The following SEMA4D variants were observed in gnomAD, a reference collection of about 807,000 sequenced individuals.
The protein encoded by SEMA4D is semaphorin-4D.
SEMA4D carries 22 observed loss-of-function variants against 74.8 expected under a neutral mutation model. The observed-to-expected ratio is 0.29, with a 90% CI of 0.21 to 0.42. SEMA4D has a LOEUF of 0.42. SEMA4D is among the 10% of genes least tolerant of loss of function. The pLI, the probability that SEMA4D is intolerant of heterozygous loss-of-function variation, is 1.00. For missense variants in SEMA4D, 937 were observed against 1,118.4 expected (o/e 0.84, Z 2.31); for synonymous variants, 445 against 463.7 (o/e 0.96, Z 0.52).
At chr9:89,415,712 A>G (rs1175991843) in intron 2 of SEMA4D, among the ~76,000 whole-genome samples, 1 of 152,132 alleles carries the variant, frequency 6.6e-6, no homozygotes, top group Non-Finnish European at 1.5e-5. Flanking sequence ...GGATAAATAA[A>G]TGTCTGTTTT....
chr9:89,396,585 G>A, intron 6 of SEMA4D, 152 bp downstream of exon 6: 1 of 680,470 alleles, frequency 1.5e-6, no homozygotes, highest in South Asian at 1.9e-5. Context: ...CTTTCAGAGG[G>A]GCCACAAGCT....
At chr9:89,399,455 T>C in intron 4 of SEMA4D, 117 bp from the exon 5 acceptor site, 1 of 783,006 alleles carries the variant, frequency 1.3e-6, no homozygotes, top group Non-Finnish European at 2.1e-6. Context: ...CCTGAGATGA[T>C]CAATTCTCAG....
intron 5 of SEMA4D, among the ~76,000 whole-genome samples, chr9:89,397,401 A>G (rs2133402446): frequency 6.6e-6 from 1 of 152,248 alleles, no homozygotes; most frequent in South Asian, 2.1e-4. Flanking sequence ...AGAACTAGGA[A>G]CAGCGACACT....
intron 2 of SEMA4D, among the ~76,000 whole-genome samples, chr9:89,408,758 T>C (rs540848193): frequency 6.6e-6 from 1 of 152,352 alleles, no homozygotes; most frequent in South Asian, 2.1e-4. Flanking sequence ...CTGGTCCATG[T>C]GCTGCAGTCC....
chr9:89,448,781 C>T (rs899190601), intron 2 of SEMA4D, among the ~76,000 whole-genome samples: 5 of 152,228 alleles, frequency 3.3e-5, no homozygotes, highest in Admixed American at 1.3e-4. Flanking sequence ...ATAAATAGCC[C>T]GGCCAGATGT....
intron 16 of SEMA4D, among the ~76,000 whole-genome samples, chr9:89,370,744 TGGGGTGTGGTTGTGA>T (rs1266169130): frequency 7.8e-6 from 1 of 128,808 alleles, no homozygotes; most frequent in Non-Finnish European, 1.7e-5. Flanking sequence ...GGTGTGTGTG[TGGGGTGTGGTTGTGA>T]GGGGTGTGAT....
chr9:89,363,435 C>T, exon 18 of SEMA4D: 3 of 1,613,228 alleles, frequency 1.9e-6, no homozygotes, highest in Non-Finnish European at 2.5e-6. Context: ...CTTACCCACG[C>T]CTTCCTCCAG....
At chr9:89,362,320 GC>G (rs1832820154) in exon 19 of SEMA4D, 1 of 1,612,370 alleles carries the variant, frequency 6.2e-7, no homozygotes, top group Non-Finnish European at 8.5e-7. Context: ...GGGGGACCAG[GC>G]CTTCTCCGGG....
chr9:89,485,788 C>CAAAAAAAAAAAAAAAAAAAAAAAAAAA (rs56056536), intron 1 of SEMA4D, among the ~76,000 whole-genome samples: 1 of 76,840 alleles, frequency 1.3e-5, no homozygotes, highest in Non-Finnish European at 2.4e-5. Context: ...AACTCCATCT[C>CAAAAAAAAAAAAAAAAAAAAAAAAAAA]AAAAAAAAAA....
chr9:89,464,345 A>G (rs1351141407), intron 1 of SEMA4D, among the ~76,000 whole-genome samples: 1 of 152,204 alleles, frequency 6.6e-6, no homozygotes, highest in Non-Finnish European at 1.5e-5. Context: ...TCGGATGATT[A>G]TAAACAGCTG....
chr9:89,370,325 TGTG>T (rs370690130), intron 16 of SEMA4D, among the ~76,000 whole-genome samples: 175 of 151,614 alleles, frequency 1.2e-3, no homozygotes, highest in South Asian at 5.2e-3. Flanking sequence ...GTGTGTGTGT[TGTG>T]GTACATGTGT....
intron 1 of SEMA4D, among the ~76,000 whole-genome samples, chr9:89,483,366 G>A (rs1007590675): frequency 5.3e-5 from 8 of 152,268 alleles, no homozygotes; most frequent in Admixed American, 3.3e-4. Flanking sequence ...TCAGGCTTGC[G>A]GTCCAACACC....
intron 2 of SEMA4D, among the ~76,000 whole-genome samples, chr9:89,453,848 AAT>A (rs958338095): frequency 2.0e-5 from 3 of 147,146 alleles, no homozygotes; most frequent in Non-Finnish European, 3.0e-5. Context: ...CAAGTTGTAG[AAT>A]ATATGTCTTT....
At chr9:89,469,088 AT>A (rs1859495008) in intron 1 of SEMA4D, among the ~76,000 whole-genome samples, 1 of 152,198 alleles carries the variant, frequency 6.6e-6, no homozygotes, top group South Asian at 2.1e-4. Flanking sequence ...AATTCCCAAT[AT>A]CAGGAAAGAA....
rs144048765 is a variant in SEMA4D at position 89,456,810 on chromosome 9, G to C, written c.-309-857C>G. ...TCACCATGTTAACCAGGCTGGTCTT[G>C]AACTCCTGACCTAAAGTGATCTGCC... On this transcript the variant is annotated intron_variant, in intron 1 of 15. Transcript: ENST00000422704. 6.5e-3 allele frequency among the ~76,000 whole-genome samples: 987 copies of C among 152,310 alleles called. 15 individuals carry two copies. The highest frequency in any genetic ancestry group is 0.023 in the African/African-American group (945 of 41,570).
chr9:89,427,989 A>G (rs1459711563), intron 2 of SEMA4D, among the ~76,000 whole-genome samples: 2 of 152,128 alleles, frequency 1.3e-5, no homozygotes, highest in African/African-American at 4.8e-5. Flanking sequence ...ACTCACCACT[A>G]GGGTGACCAC....
At chr9:89,382,976 C>T (rs772539759) in intron 13 of SEMA4D, among the ~76,000 whole-genome samples, 8 of 152,156 alleles carry the variant, frequency 5.3e-5, no homozygotes, top group Non-Finnish European at 8.8e-5. Flanking sequence ...CCCCAGCTTC[C>T]GCTTCTCCCG....
intron 13 of SEMA4D, chr9:89,385,253 G>A (rs904651526): frequency 1.9e-5 from 19 of 984,808 alleles, no homozygotes; most frequent in Non-Finnish European, 2.3e-5. Context: ...AGTGACCCTT[G>A]GAACAGAGTG....
chr9:89,480,205 C>T (rs1383324855), intron 1 of SEMA4D, among the ~76,000 whole-genome samples: 5 of 152,128 alleles, frequency 3.3e-5, no homozygotes. Context: ...TCTCCACGTC[C>T]TCACCAGAGC....
Sources: allele counts gnomAD v4.1 joint callset (sites outside exome capture counted in the v4.1 genomes callset), GRCh38; gene constraint gnomAD v4.1.1; transcripts MANE v1.5; gene names NCBI Gene and HGNC (gene_info 2026-07-23, HGNC 2026-07-21).